KSR2: variants seen among roughly 807,000 people sequenced by gnomAD.
The protein encoded by KSR2 is kinase suppressor of ras 2.
KSR2 carries 25 observed loss-of-function variants against 107.8 expected under a neutral mutation model. The observed-to-expected ratio is 0.23, with a 90% CI of 0.17 to 0.32. The LOEUF is 0.32. KSR2 is among the 10% of genes least tolerant of loss of function. KSR2 has a pLI of 1.00. For missense variants in KSR2, 887 were observed against 1,268.9 expected (o/e 0.70, Z 4.57); for synonymous variants, 480 against 507.0 (o/e 0.95, Z 0.71).
At chr12:117,868,441 A>C (rs1051195743) in intron 1 of KSR2, among the ~76,000 whole-genome samples, 1 of 152,144 alleles carries the variant, frequency 6.6e-6, no homozygotes, top group Admixed American at 6.6e-5. Flanking sequence ...AAAAAATTAA[A>C]AAGAAAAAAC....
chr12:117,706,778 T>C (rs1886546624), intron 4 of KSR2, among the ~76,000 whole-genome samples: 1 of 151,922 alleles, frequency 6.6e-6, no homozygotes, highest in Non-Finnish European at 1.5e-5. Context: ...TGTTAAGAAA[T>C]AAATAAATAC....
intron 10 of KSR2, among the ~76,000 whole-genome samples, chr12:117,539,301 A>G (rs888595702): frequency 5.9e-5 from 9 of 152,172 alleles, no homozygotes; most frequent in Non-Finnish European, 1.3e-4. Context: ...TAAGATCTCC[A>G]GCACAGGATC....
chr12:117,475,679 T>C (rs1437321489), intron 17 of KSR2, among the ~76,000 whole-genome samples: 3 of 152,198 alleles, frequency 2.0e-5, no homozygotes, highest in Non-Finnish European at 2.9e-5. Context: ...CCTCTGGTGG[T>C]TTTAAATATG....
intron 4 of KSR2, among the ~76,000 whole-genome samples, chr12:117,693,967 C>T (rs1340854128): frequency 6.6e-6 from 1 of 152,166 alleles, no homozygotes; most frequent in Non-Finnish European, 1.5e-5. Context: ...CTTTGGTCTA[C>T]AACACTGATT....
intron 1 of KSR2, among the ~76,000 whole-genome samples, chr12:117,967,217 C>A (rs755839792): frequency 1.1e-4 from 17 of 152,146 alleles, no homozygotes; most frequent in South Asian, 6.2e-4. Flanking sequence ...TTGCAACCAC[C>A]CTTCATCCCA....
At chr12:117,547,008 T>C (rs941382619) in intron 9 of KSR2, among the ~76,000 whole-genome samples, 2 of 152,242 alleles carry the variant, frequency 1.3e-5, no homozygotes, top group East Asian at 1.9e-4. Flanking sequence ...ATTGATTGTC[T>C]TTCTTTTTCT....
rs1279026288 is a variant in KSR2, at chr12:117,469,730, G to A, written c.2778C>T (p.Asp926=). The A allele has an allele frequency of 6.2e-7, 1 of 1,613,860 alleles. No homozygotes were observed. Among genetic ancestry groups the A allele is most frequent in the South Asian group, 1.1e-5 (1 of 91,004 alleles). The change falls in exon 19 of 20, where the codon GAC becomes GAT. Residue 926 remains aspartate, a synonymous_variant. Coordinates refer to ENST00000339824, the MANE Select transcript of KSR2 (RefSeq NM_173598.6). ...EERPTFTKLM[D]MLEKLPKRNR... is the part of the protein sequence containing the mutation. ...TTCGCTTTGGCAGTTTCTCCAGCAT[G>A]TCCATGAGCTTGGTGAAGGTAGGTC...
At chr12:117,677,226 C>T (rs1221703116) in intron 4 of KSR2, 1 of 152,074 alleles carries the variant, frequency 6.6e-6, no homozygotes. Context: ...AATTTTGTCC[C>T]CCTCAAGTTC....
In KSR2 at chr12:117,486,493, T is replaced by C. The variant is rs182071148; in HGVS notation, c.2220-802A>G. Among the ~76,000 whole-genome samples, 28 of 152,326 alleles carry C rather than the reference T, an allele frequency of 1.8e-4. No individual in the cohort carries two copies. In the East Asian group the frequency reaches 5.2e-3, roughly 28 times the overall value. ...CCCAGCCCCTAGCACCGTGACTGGC[T>C]CAGAGTATCCAATGTGGGCCAAAAG... On this transcript the variant is annotated intron_variant, in intron 14 of 19. Transcript: ENST00000339824.
intron 16 of KSR2, among the ~76,000 whole-genome samples, chr12:117,477,220 T>C (rs1382877437): frequency 6.6e-6 from 1 of 152,188 alleles, no homozygotes; most frequent in Non-Finnish European, 1.5e-5. Context: ...GCTGAAACAA[T>C]GAGGCAGAAC....
chr12:117,967,715 G>C (rs1024922536), intron 1 of KSR2, among the ~76,000 whole-genome samples: 1 of 151,990 alleles, frequency 6.6e-6, no homozygotes, highest in Non-Finnish European at 1.5e-5. Flanking sequence ...AGCCCCCGTG[G>C]CATATAAACA....
rs556449409 is a variant in KSR2 at position 117,799,823 on chromosome 12, G to C, written c.473-38299C>G. ...CGGCTCTTAGTGTTGAATAAATAGT[G>C]ATGATTGTTGAGACTCTGGGGCACC... is the stretch of plus-strand genomic sequence containing the variant. On this transcript the variant is annotated intron_variant, in intron 3 of 19. Coordinates refer to ENST00000339824, the MANE Select transcript of KSR2 (RefSeq NM_173598.6). 3.3e-5 allele frequency among the ~76,000 whole-genome samples: 5 copies of C among 152,308 alleles called. No homozygotes were observed. The South Asian group carries it at 1.0e-3, about 32-fold the overall frequency.
chr12:117,525,208 G>A lies in KSR2; in HGVS notation c.1863C>T (p.Val621=). 1 of 1,601,378 alleles carries A rather than the reference G, an allele frequency of 6.2e-7. No individual in the cohort carries two copies. Residue 621 remains valine (V), a synonymous_variant, in exon 14 of 20, where the codon GTC becomes GTT. Coordinates refer to ENST00000339824, the MANE Select transcript of KSR2 (RefSeq NM_173598.6). ...CCTCTGACTCTTCGGCCTCATCATG[G>A]ACCTCTTCATTCTGTGGCCGGAGTG... The part of the protein sequence containing the change: ...EVEPTSENEE[V]HDEAEESEDD...
At chr12:117,615,114 G>A in intron 5 of KSR2, among the ~76,000 whole-genome samples, 1 of 151,942 alleles carries the variant, frequency 6.6e-6, no homozygotes. Context: ...CACTTTGGGA[G>A]CAAGAATCTT....
At chr12:117,876,893 C>T (rs2137306441) in intron 1 of KSR2, among the ~76,000 whole-genome samples, 1 of 152,012 alleles carries the variant, frequency 6.6e-6, no homozygotes, top group Admixed American at 6.6e-5. Flanking sequence ...TTGCATTATA[C>T]ATCATGAGCT....
chr12:117,937,135 G>A (rs542011601), intron 1 of KSR2, among the ~76,000 whole-genome samples: 10 of 152,274 alleles, frequency 6.6e-5, no homozygotes, highest in South Asian at 6.2e-4. Context: ...AAATAGTAGC[G>A]GGGGAAAGTT....
intron 1 of KSR2, among the ~76,000 whole-genome samples, chr12:117,932,029 G>A (rs762963216): frequency 3.9e-5 from 6 of 152,206 alleles, no homozygotes; most frequent in Non-Finnish European, 5.9e-5. Flanking sequence ...GCTCATGCCT[G>A]TAATACCAGC....
At chr12:117,812,755 C>T (rs1891236507) in intron 3 of KSR2, among the ~76,000 whole-genome samples, 1 of 148,858 alleles carries the variant, frequency 6.7e-6, no homozygotes, top group Non-Finnish European at 1.5e-5. Flanking sequence ...TCAATGCAAT[C>T]TCTATTAAAA....
chr12:117,919,064 A>G (rs1329481314), intron 1 of KSR2, among the ~76,000 whole-genome samples: 1 of 152,124 alleles, frequency 6.6e-6, no homozygotes, highest in Non-Finnish European at 1.5e-5. Flanking sequence ...CTTGAACCCA[A>G]GAGTTTAAGG....
Sources: gnomAD v4.1 joint callset for allele counts (sites outside exome capture counted in the v4.1 genomes callset) on GRCh38, gnomAD v4.1.1 for gene constraint, MANE v1.5 for transcripts, NCBI Gene and HGNC (gene_info 2026-07-23, HGNC 2026-07-21) for gene names.